Variants in SLC4A10 observed in about 807,000 individuals in gnomAD.
SLC4A10 encodes solute carrier family 4 member 10, also known as sodium-driven chloride bicarbonate exchanger.
A neutral mutation model predicts 137.7 loss-of-function variants in SLC4A10; 42 were observed. The observed-to-expected ratio is 0.30, with a 90% CI of 0.24 to 0.39. The LOEUF (loss-of-function observed/expected upper bound fraction) is 0.39, where lower values mean the gene tolerates loss of function less well. SLC4A10 is among the 10% of genes least tolerant of loss of function. The pLI, the probability that SLC4A10 is intolerant of heterozygous loss-of-function variation, is 1.00. For synonymous variants in SLC4A10, 474 were observed against 464.1 expected (o/e 1.02, Z -0.27); for missense variants, 925 against 1,355.0 (o/e 0.68, Z 4.98).
intron 1 of SLC4A10, among the ~76,000 whole-genome samples, chr2:161,647,710 T>C (rs569511741): frequency 1.3e-4 from 20 of 152,296 alleles, no homozygotes; most frequent in African/African-American, 4.8e-4. Flanking sequence ...TTAAAATGTA[T>C]AGTAATTCTC....
intron 1 of SLC4A10, among the ~76,000 whole-genome samples, chr2:161,639,528 G>C (rs966526595): frequency 6.6e-6 from 1 of 152,008 alleles, no homozygotes; most frequent in Non-Finnish European, 1.5e-5. Flanking sequence ...GAAACCATAT[G>C]ATCATCCCAA....
At chr2:161,753,172 G>A (rs1212450079) in intron 1 of SLC4A10, among the ~76,000 whole-genome samples, 1 of 151,974 alleles carries the variant, frequency 6.6e-6, no homozygotes, top group African/African-American at 2.4e-5. Context: ...TAAAATATGA[G>A]TCTCACCATG....
chr2:161,775,419 C>A (rs2052199451), intron 2 of SLC4A10, among the ~76,000 whole-genome samples: 1 of 151,894 alleles, frequency 6.6e-6, no homozygotes, highest in Non-Finnish European at 1.5e-5. Context: ...TACCTTCTAT[C>A]ATAATAGAGT....
chr2:161,830,535 G>T, intron 3 of SLC4A10, among the ~76,000 whole-genome samples: 1 of 149,606 alleles, frequency 6.7e-6, no homozygotes, highest in African/African-American at 2.5e-5. Flanking sequence ...CTTTGAGCAA[G>T]TTTATTTTCT....
chr2:161,784,038 GA>G (rs1318509970), intron 2 of SLC4A10, among the ~76,000 whole-genome samples: 5 of 149,898 alleles, frequency 3.3e-5, no homozygotes, highest in Non-Finnish European at 3.0e-5. Flanking sequence ...TGAAAGAATG[GA>G]AAAAAAAATT....
chr2:161,929,780 G>A lies in SLC4A10; in HGVS notation c.1998-13012G>A, dbSNP rs534406937. 3.3e-5 allele frequency among the ~76,000 whole-genome samples: 5 copies of A among 152,062 alleles called. No homozygotes were observed. In the East Asian group the frequency reaches 9.7e-4, roughly 29 times the overall value. ...ATAGAAAATATCTCTTCCTCACAAA[G>A]TTGGAAGCCCTGAACCTGAGCCTTA... On this transcript the variant is annotated intron_variant, in intron 15 of 26. Coordinates refer to ENST00000446997, the MANE Select transcript of SLC4A10 (RefSeq NM_001178015.2).
In SLC4A10 at chr2:161,699,561, G is replaced by T. The variant is rs546339490; in HGVS notation, c.49-71412G>T. Reference sequence around the variant, plus strand: ...AGTGTATTTATTAGGTGTGATGGAGGAATATGAAAGTGAATCATACATATG... The same window carrying T: ...AGTGTATTTATTAGGTGTGATGGAGTAATATGAAAGTGAATCATACATATG... On this transcript the variant is annotated intron_variant, in intron 1 of 26. Coordinates refer to ENST00000446997, the MANE Select transcript of SLC4A10 (RefSeq NM_001178015.2). Among the ~76,000 whole-genome samples, 320 of 152,280 alleles carry T rather than the reference G, an allele frequency of 2.1e-3. 1 individual carries two copies. Among genetic ancestry groups the T allele is most frequent in the African/African-American group, 7.2e-3 (301 of 41,568 alleles).
chr2:161,780,568 G>T (rs1001094069), intron 2 of SLC4A10, among the ~76,000 whole-genome samples: 2 of 151,880 alleles, frequency 1.3e-5, no homozygotes, highest in Admixed American at 1.3e-4. Flanking sequence ...AAATTAAGTC[G>T]AATTATTTTT....
intron 6 of SLC4A10, among the ~76,000 whole-genome samples, chr2:161,863,304 TA>T (rs966844104): frequency 3.9e-5 from 6 of 152,220 alleles, no homozygotes; most frequent in South Asian, 4.1e-4. Context: ...TAATATTTAA[TA>T]AAAAAACTTT....
chr2:161,897,677 G>A (rs1314602304), intron 11 of SLC4A10, among the ~76,000 whole-genome samples: 1 of 151,942 alleles, frequency 6.6e-6, no homozygotes, highest in Non-Finnish European at 1.5e-5. Flanking sequence ...TATTTCAGTT[G>A]ATCTACTATT....
intron 15 of SLC4A10, among the ~76,000 whole-genome samples, chr2:161,926,326 CT>C (rs1689072260): frequency 1.6e-5 from 2 of 122,014 alleles, no homozygotes; most frequent in Admixed American, 8.7e-5. Context: ...CTCTTTTGAT[CT>C]TTGTTGGTTT....
At chr2:161,767,139 A>ATATATGTG (rs1362865580) in intron 1 of SLC4A10, among the ~76,000 whole-genome samples, 64 of 57,080 alleles carry the variant, frequency 1.1e-3, no homozygotes, top group East Asian at 4.1e-3. Flanking sequence ...ATATATATAT[A>ATATATGTG]TGTGTGTGTG....
rs541589925 is a variant in SLC4A10 at position 161,677,338 on chromosome 2, C to T, written c.48+52772C>T. Among the ~76,000 whole-genome samples, 76 of 152,102 alleles carry T rather than the reference C, an allele frequency of 5.0e-4. 2 individuals are homozygous for T. The South Asian group carries it at 0.015, about 30-fold the overall frequency. On this transcript the variant is annotated intron_variant, in intron 1 of 26. Coordinates refer to ENST00000446997, the MANE Select transcript of SLC4A10 (RefSeq NM_001178015.2). Reference sequence around the variant, plus strand: ...TTGTACAGCCTGCAGAACCAGCAGCCGAATAAACCTGTTTTCTTTACAAAT... The same window carrying T: ...TTGTACAGCCTGCAGAACCAGCAGCTGAATAAACCTGTTTTCTTTACAAAT...
At chr2:161,978,474 C>A (rs1369066047) in intron 26 of SLC4A10, among the ~76,000 whole-genome samples, 3 of 151,912 alleles carry the variant, frequency 2.0e-5, no homozygotes, top group African/African-American at 7.3e-5. Context: ...TACCACCATG[C>A]CTCCAGACTG....
At chr2:161,714,037 C>T (rs2044583734) in intron 1 of SLC4A10, among the ~76,000 whole-genome samples, 1 of 151,822 alleles carries the variant, frequency 6.6e-6, no homozygotes, top group Non-Finnish European at 1.5e-5. Flanking sequence ...AGTAAAACTC[C>T]TGGAATTCTA....
At chr2:161,712,009 C>G (rs77612593) in intron 1 of SLC4A10, among the ~76,000 whole-genome samples, 247 of 151,968 alleles carry the variant, frequency 1.6e-3, no homozygotes, top group African/African-American at 5.7e-3. Flanking sequence ...ATTGGCAAGA[C>G]TTTGTAACAG....
At chr2:161,794,704 T>C (rs2054570040) in intron 2 of SLC4A10, among the ~76,000 whole-genome samples, 1 of 152,138 alleles carries the variant, frequency 6.6e-6, no homozygotes, top group Non-Finnish European at 1.5e-5. Flanking sequence ...GCAGCGACGT[T>C]CTAATAATCC....
intron 15 of SLC4A10, among the ~76,000 whole-genome samples, chr2:161,931,688 G>A (rs1374440173): frequency 6.6e-6 from 1 of 152,142 alleles, no homozygotes; most frequent in African/African-American, 2.4e-5. Flanking sequence ...CTTCAAATGA[G>A]TAGAACTTAC....
At chr2:161,780,215 A>G (rs949855301) in intron 2 of SLC4A10, among the ~76,000 whole-genome samples, 1 of 152,082 alleles carries the variant, frequency 6.6e-6, no homozygotes, top group Non-Finnish European at 1.5e-5. Flanking sequence ...TTATTATGTA[A>G]AGACTCTATA....
Sources: allele counts gnomAD v4.1 joint callset (sites outside exome capture counted in the v4.1 genomes callset), GRCh38; gene constraint gnomAD v4.1.1; transcripts MANE v1.5; gene names NCBI Gene and HGNC (gene_info 2026-07-23, HGNC 2026-07-21).